FBXO38: variants seen among roughly 807,000 people sequenced by gnomAD.
The protein encoded by FBXO38 is F-box only protein 38.
In FBXO38, 53 loss-of-function variants were observed where a neutral mutation model predicts 131.9. The observed-to-expected ratio is 0.40, with a 90% CI of 0.32 to 0.51. The LOEUF (loss-of-function observed/expected upper bound fraction) is 0.51, where lower values mean the gene tolerates loss of function less well. Among genes scored for constraint, FBXO38 ranks in the 20% least tolerant of loss-of-function variants. FBXO38 has a pLI of 0.53. For missense variants in FBXO38, 1,076 were observed against 1,475.6 expected, an observed-to-expected ratio of 0.73 and a Z score of 4.44; for synonymous variants, 452 against 505.6, an observed-to-expected ratio of 0.89 and a Z score of 1.42.
intron 6 of FBXO38, 123 bp from the exon 7 acceptor site, chr5:148,406,134 G>A: frequency 1.1e-6 from 1 of 910,432 alleles, no homozygotes; most frequent in Non-Finnish European, 1.6e-6. Flanking sequence ...CCTGATTTCA[G>A]AGAGCCAATT....
chr5:148,427,877 A>C lies in FBXO38; in HGVS notation c.2583A>C (p.Glu861Asp). 1 of 1,564,134 alleles carries C rather than the reference A, an allele frequency of 6.4e-7. No homozygotes were observed. The change falls in exon 15 of 22, where the codon GAA (glutamate) becomes GAC (aspartate). Residue 861 changes from glutamate to aspartate, a missense_variant. Transcript: ENST00000340253. The part of the protein sequence containing the change: ...QPESCDVQSN[E>D]DYPRRPLTRA... Reference sequence around the variant, plus strand: ...AGAGTTGTGACGTGCAGTCTAATGAAGACTACCCTCGGAGGCCCCTAACCA... The same window carrying C: ...AGAGTTGTGACGTGCAGTCTAATGACGACTACCCTCGGAGGCCCCTAACCA...
At position 148,441,959 on chromosome 5, in the gene FBXO38, A is replaced by G. The variant is rs1049306643; in HGVS notation, c.3389-10A>G. ...CATATGTATCTCTCCTTTTATTTCT[A>G]ATTTCAAAGGCACTATCTATGCTCC... is the stretch of plus-strand genomic sequence containing the variant. On this transcript the variant is annotated splice_polypyrimidine_tract_variant and intron_variant, in intron 21 of 21. Coordinates refer to ENST00000340253, the MANE Select transcript of FBXO38 (RefSeq NM_205836.3). 1 of 1,600,832 alleles carries G rather than the reference A, an allele frequency of 6.2e-7. No individual in the cohort carries two copies. Among genetic ancestry groups the G allele is most frequent in the Non-Finnish European group, 8.5e-7 (1 of 1,174,288 alleles).
At chr5:148,392,430 C>T (rs1421435292) in intron 1 of FBXO38, among the ~76,000 whole-genome samples, 6 of 151,630 alleles carry the variant, frequency 4.0e-5, no homozygotes, top group South Asian at 2.1e-4. Context: ...GGGGAGGGTT[C>T]GTGATATGAA....
chr5:148,410,884 G>T, intron 9 of FBXO38, 119 bp downstream of exon 9: 1 of 864,114 alleles, frequency 1.2e-6, no homozygotes, highest in Non-Finnish European at 1.7e-6. Flanking sequence ...AATCTTAGGT[G>T]CTCTCACGTC....
chr5:148,400,600 G>T (rs1752087705), intron 3 of FBXO38, among the ~76,000 whole-genome samples: 1 of 152,100 alleles, frequency 6.6e-6, no homozygotes, highest in Non-Finnish European at 1.5e-5. Flanking sequence ...GCTCACTAAT[G>T]CCACCTTGGC....
chr5:148,398,209 T>C (rs932057638), intron 2 of FBXO38, among the ~76,000 whole-genome samples: 4 of 152,086 alleles, frequency 2.6e-5, no homozygotes, highest in African/African-American at 9.7e-5. Flanking sequence ...ACAGGTTCAG[T>C]AGGTAAAGGT....
intron 3 of FBXO38, among the ~76,000 whole-genome samples, chr5:148,401,460 G>A (rs185919593): frequency 6.6e-6 from 1 of 152,266 alleles, no homozygotes; most frequent in African/African-American, 2.4e-5. Context: ...ATATGACAGA[G>A]TATCAGAGTA....
chr5:148,394,993 C>A, intron 2 of FBXO38, 89 bp downstream of exon 2: 1 of 1,227,378 alleles, frequency 8.1e-7, no homozygotes, highest in Non-Finnish European at 1.1e-6. Flanking sequence ...CTACCAGCTA[C>A]ATGCAGCATT....
At chr5:148,419,700 C>G (rs1040629834) in intron 12 of FBXO38, among the ~76,000 whole-genome samples, 2 of 152,018 alleles carry the variant, frequency 1.3e-5, no homozygotes, top group African/African-American at 4.8e-5. Flanking sequence ...TATGATCACA[C>G]CACTACGCTC....
chr5:148,418,619 G>T (rs1753208931), intron 12 of FBXO38, among the ~76,000 whole-genome samples: 1 of 152,134 alleles, frequency 6.6e-6, no homozygotes, highest in South Asian at 2.1e-4. Context: ...TTGTTGTCCT[G>T]AGTGCTATGG....
At chr5:148,437,966 A>C (rs912693984) in intron 17 of FBXO38, among the ~76,000 whole-genome samples, 3 of 152,064 alleles carry the variant, frequency 2.0e-5, no homozygotes, top group Admixed American at 1.3e-4. Flanking sequence ...CATTCCTGAG[A>C]GTGAATGTAA....
At chr5:148,418,884 T>C (rs1295071946) in intron 12 of FBXO38, among the ~76,000 whole-genome samples, 1 of 152,206 alleles carries the variant, frequency 6.6e-6, no homozygotes, top group African/African-American at 2.4e-5. Context: ...CAAGAACATG[T>C]TTGATTTAAT....
chr5:148,435,603 C>CT (rs1182594045), intron 17 of FBXO38, among the ~76,000 whole-genome samples: 1 of 151,968 alleles, frequency 6.6e-6, no homozygotes, highest in Non-Finnish European at 1.5e-5. Flanking sequence ...AACCCCGTCT[C>CT]ACTAAAAATA....
rs539204952 is a variant in FBXO38, at chr5:148,396,438, G to A, written c.128+1534G>A. On this transcript the variant is annotated intron_variant, in intron 2 of 21. Transcript: ENST00000340253. ...GAGGAAAAGTTGGGTGGACTATTCA[G>A]CAATGATGTCTCAACCTACAAACCA... 1.2e-4 allele frequency among the ~76,000 whole-genome samples: 19 copies of A among 152,224 alleles called. No individual in the cohort carries two copies. The South Asian group carries it at 3.9e-3, about 32-fold the overall frequency.
At chr5:148,437,452 G>T (rs1028046447) in intron 17 of FBXO38, among the ~76,000 whole-genome samples, 4 of 152,158 alleles carry the variant, frequency 2.6e-5, no homozygotes, top group African/African-American at 9.7e-5. Flanking sequence ...GTGTTTAAAT[G>T]TCAAGTTAGT....
At position 148,441,851 on chromosome 5, in the gene FBXO38, A is replaced by C. The variant is rs1401473898; in HGVS notation, c.3389-118A>C. ...TGGTGACCCATTCCTTGACCTATTC[A>C]TGCATCAGTTACATTATAGTGCAGT... On this transcript the variant is annotated intron_variant, in intron 21 of 21. Coordinates refer to ENST00000340253, the MANE Select transcript of FBXO38 (RefSeq NM_205836.3). 4 of 720,028 alleles carry C rather than the reference A, an allele frequency of 5.6e-6. No individual in the cohort carries two copies. The South Asian group carries it at 9.5e-5, about 17-fold the overall frequency. The allele number at this position is 720,028 out of a possible 1,614,324, so 44.6% of individuals were successfully genotyped here. A position where few individuals can be genotyped will look rare whatever the true frequency, so the allele number is the denominator to read the frequency against.
At chr5:148,437,342 C>T (rs142396407) in intron 17 of FBXO38, among the ~76,000 whole-genome samples, 132 of 152,356 alleles carry the variant, frequency 8.7e-4, no homozygotes, top group East Asian at 5.8e-3. Flanking sequence ...TGTCATCTAG[C>T]GCTCTCCTTT....
chr5:148,408,982 T>C (rs1300609034), intron 7 of FBXO38, 142 bp from the exon 8 acceptor site: 12 of 550,386 alleles, frequency 2.2e-5, no homozygotes, highest in Middle Eastern at 4.4e-4. Flanking sequence ...TCTTAAGATA[T>C]TAATTTCAAT....
chr5:148,411,971 G>C (rs1029132625), intron 9 of FBXO38, among the ~76,000 whole-genome samples: 4 of 152,072 alleles, frequency 2.6e-5, no homozygotes, highest in Admixed American at 2.0e-4. Flanking sequence ...CTCAGAACTT[G>C]ACAAATTGTG....
Sources: allele counts gnomAD v4.1 joint callset (sites outside exome capture counted in the v4.1 genomes callset), GRCh38; gene constraint gnomAD v4.1.1; transcripts MANE v1.5; gene names NCBI Gene and HGNC (gene_info 2026-07-23, HGNC 2026-07-21).